The following ITPRID1 variants were observed in gnomAD, a reference collection of about 807,000 sequenced individuals.
ITPRID1 encodes protein ITPRID1.
ITPRID1 carries 96 observed loss-of-function variants against 95.4 expected under a neutral mutation model. The observed-to-expected ratio is 1.01, with a 90% CI of 0.85 to 1.19. ITPRID1 has a LOEUF of 1.19. ITPRID1 is among the 50% of genes most tolerant of loss of function. The pLI, the probability that ITPRID1 is intolerant of heterozygous loss-of-function variation, is 0.00. For synonymous variants in ITPRID1, 510 were observed against 453.6 expected, an observed-to-expected ratio of 1.12 and a Z score of -1.58; for missense variants, 1,339 against 1,252.9, an observed-to-expected ratio of 1.07 and a Z score of -1.04.
At chr7:31,562,166 A>G (rs903614088) in intron 5 of ITPRID1, among the ~76,000 whole-genome samples, 4 of 151,890 alleles carry the variant, frequency 2.6e-5, no homozygotes, top group Non-Finnish European at 5.9e-5. Context: ...CATTGTCATT[A>G]CAATGCCAGG....
At chr7:31,650,090 G>A (rs948348881) in intron 12 of ITPRID1, among the ~76,000 whole-genome samples, 3 of 152,186 alleles carry the variant, frequency 2.0e-5, no homozygotes, top group Non-Finnish European at 2.9e-5. Flanking sequence ...CCTAGAGACC[G>A]GGGACAGAGG....
intron 1 of ITPRID1, among the ~76,000 whole-genome samples, chr7:31,516,612 T>C: frequency 6.7e-6 from 1 of 148,972 alleles, no homozygotes; most frequent in Non-Finnish European, 1.5e-5. Context: ...AAGTCTGTCT[T>C]GCCAAAGCTT....
At chr7:31,639,776 T>A (rs1789856131) in intron 10 of ITPRID1, among the ~76,000 whole-genome samples, 1 of 152,114 alleles carries the variant, frequency 6.6e-6, no homozygotes, top group African/African-American at 2.4e-5. Flanking sequence ...GACCTCGTGA[T>A]CTGCCTGCCT....
chr7:31,529,605 C>T (rs887489009), intron 1 of ITPRID1: 2 of 575,422 alleles, frequency 3.5e-6, no homozygotes, highest in Non-Finnish European at 6.1e-6. Context: ...TTGACCATGG[C>T]TTTAGGCAAA....
chr7:31,550,432 G>A (rs918612318), intron 2 of ITPRID1, among the ~76,000 whole-genome samples: 3 of 152,052 alleles, frequency 2.0e-5, no homozygotes, highest in Non-Finnish European at 4.4e-5. Context: ...TCCTTGGGGC[G>A]GACAGACTAA....
At position 31,551,411 on chromosome 7, in the gene ITPRID1, T is replaced by C. The variant is rs533730638; in HGVS notation, c.-23-1591T>C. On this transcript the variant is annotated intron_variant, in intron 2 of 14. Transcript: ENST00000615280. ...AGGAACATAATTCAGTCTGCATTATTCTGTCTTGTGTTATTACTGAAATTT... is the reference window on the plus strand; with the variant it reads ...AGGAACATAATTCAGTCTGCATTATCCTGTCTTGTGTTATTACTGAAATTT... Among the ~76,000 whole-genome samples, 12 of 144,122 alleles carry C rather than the reference T, an allele frequency of 8.3e-5. 2 individuals carry two copies. Among genetic ancestry groups the C allele is most frequent in the Non-Finnish European group, 1.6e-4 (10 of 63,884 alleles). The allele number at this position is 144,122 out of a possible 152,430, so 94.5% of individuals were successfully genotyped here.
chr7:31,644,403 T>C (rs983244003), intron 12 of ITPRID1, among the ~76,000 whole-genome samples: 1 of 152,246 alleles, frequency 6.6e-6, no homozygotes, highest in Non-Finnish European at 1.5e-5. Context: ...TAGGATTAAA[T>C]AAGAAGAACC....
chr7:31,615,667 GA>G (rs1787131733), intron 10 of ITPRID1, among the ~76,000 whole-genome samples: 3 of 144,520 alleles, frequency 2.1e-5, no homozygotes, highest in Non-Finnish European at 4.5e-5. Flanking sequence ...TTCATTCTTA[GA>G]CATGACCAAG....
intron 12 of ITPRID1, among the ~76,000 whole-genome samples, chr7:31,650,893 C>T (rs972774130): frequency 1.2e-4 from 19 of 152,158 alleles, no homozygotes; most frequent in African/African-American, 4.6e-4. Flanking sequence ...GCCTTCCAGC[C>T]TCTGGGACAC....
chr7:31,531,539 G>T (rs936201451), intron 1 of ITPRID1, among the ~76,000 whole-genome samples: 4 of 152,150 alleles, frequency 2.6e-5, no homozygotes, highest in African/African-American at 9.7e-5. Context: ...GGAGCATTAG[G>T]TTTGGCTGTG....
Position 31,643,242 on chromosome 7 carries a change from A to C in ITPRID1, c.1872A>C (p.Gly624=). 1 of 1,613,836 alleles carries C rather than the reference A, an allele frequency of 6.2e-7. No individual in the cohort carries two copies. Among genetic ancestry groups the C allele is most frequent in the Non-Finnish European group, 8.5e-7 (1 of 1,179,856 alleles). Residue 624 remains glycine (G), a synonymous_variant, in exon 12 of 15, where the codon GGA becomes GGC. Coordinates refer to ENST00000615280, the MANE Select transcript of ITPRID1 (RefSeq NM_001257967.3). ...SEAPREEESS[G]FCPHTNHSLL... Reference sequence around the variant, plus strand: ...CCCCACGAGAAGAGGAAAGCAGTGGATTCTGTCCTCACACCAACCACAGCT... The same window carrying C: ...CCCCACGAGAAGAGGAAAGCAGTGGCTTCTGTCCTCACACCAACCACAGCT...
intron 10 of ITPRID1, among the ~76,000 whole-genome samples, chr7:31,615,805 G>A (rs1787157406): frequency 6.7e-6 from 1 of 150,128 alleles, no homozygotes; most frequent in Admixed American, 6.6e-5. Context: ...CCAGGCTGGA[G>A]TGCAGTGGTG....
rs1333247638 is a variant in ITPRID1, at chr7:31,638,657, T to C, written c.1229-3519T>C. On this transcript the variant is annotated intron_variant, in intron 10 of 14. Transcript: ENST00000615280. ...GTCTTCTTACTTGGATTATTTCCAATGAGAAATCTGCCATCCTTATCTTTG... is the reference window on the plus strand; with the variant it reads ...GTCTTCTTACTTGGATTATTTCCAACGAGAAATCTGCCATCCTTATCTTTG... Among the ~76,000 whole-genome samples the C allele has an allele frequency of 3.9e-5, 6 of 152,248 alleles. No homozygotes were observed. The East Asian group carries it at 9.6e-4, about 24-fold the overall frequency.
In ITPRID1 at chr7:31,652,573, A is replaced by T; in HGVS notation, c.2879A>T (p.Tyr960Phe). The change falls in exon 15 of 15, where the codon TAT becomes TTT. Residue 960 changes from tyrosine (Y) to phenylalanine (F), a missense_variant. Coordinates refer to ENST00000615280, the MANE Select transcript of ITPRID1 (RefSeq NM_001257967.3). ...GAACACTATTCAAATCTGCATCAATATAACTGGATAGAAGAAAGCAATGGG... is the reference window on the plus strand; with the variant it reads ...GAACACTATTCAAATCTGCATCAATTTAACTGGATAGAAGAAAGCAATGGG... ...PPEHYSNLHQ[Y>F]NWIEESNGQT... 6.2e-7 allele frequency: 1 copy of T among 1,611,440 alleles called. No individual in the cohort carries two copies. Among genetic ancestry groups the T allele is most frequent in the Non-Finnish European group, 8.5e-7 (1 of 1,178,748 alleles).
downstream of ITPRID1, chr7:31,656,561 A>T (rs1791316195): frequency 2.5e-6 from 2 of 787,108 alleles, no homozygotes; most frequent in African/African-American, 1.9e-5. Context: ...TGCACACAGA[A>T]TATTACCTAC....
chr7:31,619,688 C>G (rs568416004), intron 10 of ITPRID1, among the ~76,000 whole-genome samples: 4 of 152,060 alleles, frequency 2.6e-5, no homozygotes, highest in Admixed American at 6.5e-5. Context: ...ACGCAGAAGA[C>G]GGGTGATTTC....
At chr7:31,620,621 A>G (rs1345756297) in intron 10 of ITPRID1, among the ~76,000 whole-genome samples, 1 of 150,482 alleles carries the variant, frequency 6.6e-6, no homozygotes, top group Non-Finnish European at 1.5e-5. Flanking sequence ...CATCACCATC[A>G]TCAAAGACCA....
At position 31,643,105 on chromosome 7, in the gene ITPRID1, A is replaced by G. The variant is rs776523316; in HGVS notation, c.1735A>G (p.Ser579Gly). Residue 579 changes from serine to glycine, a missense_variant, in exon 12 of 15, where the codon AGT (serine) becomes GGT (glycine). Ser to Gly is a moderately conservative substitution (Grantham distance 56). Transcript: ENST00000615280. ...AACCCACGTCACAGAAATGCAGGAC[A>G]GTTTTGTGAGGCCTGAGGGAGCTGG... ...MVTHVTEMQD[S>G]FVRPEGAGKV... 4 of 1,613,896 alleles carry G rather than the reference A, an allele frequency of 2.5e-6. No individual in the cohort carries two copies. The highest frequency in any genetic ancestry group is 3.3e-5 in the Admixed American group (2 of 60,010).
At position 31,526,701 on chromosome 7, in the gene ITPRID1, C is replaced by T. The variant is rs115460919; in HGVS notation, c.-98+12581C>T. On this transcript the variant is annotated intron_variant, in intron 1 of 14. Transcript: ENST00000615280. ...AAACTGAGATCAATTTTGACCATTG[C>T]GTCCCCCGACAGCAATCAGTCCGTA... 7.0e-3 allele frequency among the ~76,000 whole-genome samples: 1,062 copies of T among 152,180 alleles called. 10 individuals are homozygous for T. The highest frequency in any genetic ancestry group is 0.024 in the African/African-American group (1,009 of 41,528).
Sources: gnomAD v4.1 joint callset for allele counts (sites outside exome capture counted in the v4.1 genomes callset) on GRCh38, gnomAD v4.1.1 for gene constraint, MANE v1.5 for transcripts, NCBI Gene and HGNC (gene_info 2026-07-23, HGNC 2026-07-21) for gene names.